Variants in TIAM2 observed in about 807,000 individuals in gnomAD.
TIAM2 encodes TIAM Rac1 associated GEF 2.
Under a neutral mutation model 152.9 loss-of-function variants are expected in TIAM2, and 80 were observed. The observed-to-expected ratio is 0.52, with a 90% CI of 0.44 to 0.63. TIAM2 has a LOEUF of 0.63. Ranked by LOEUF, TIAM2 falls within the 30% of genes least tolerant of loss-of-function variation. The pLI is 0.00. For missense variants in TIAM2, 1,965 were observed against 2,120.1 expected (o/e 0.93, Z 1.44); for synonymous variants, 804 against 838.0 (o/e 0.96, Z 0.70).
At chr6:155,057,533 A>G (rs1323974383) in intron 1 of TIAM2, among the ~76,000 whole-genome samples, 1 of 136,978 alleles carries the variant, frequency 7.3e-6, no homozygotes, top group East Asian at 2.2e-4. Flanking sequence ...TTTTCTTTCC[A>G]TAATGTACTT....
chr6:155,023,870 C>G (rs982640352), intron 1 of TIAM2, among the ~76,000 whole-genome samples: 1 of 152,178 alleles, frequency 6.6e-6, no homozygotes, highest in Middle Eastern at 3.2e-3. Flanking sequence ...CCTTACTCGT[C>G]TTTGCCTGCA....
In TIAM2 at chr6:155,248,095, CAG is replaced by C. The variant is rs779265118; in HGVS notation, c.3753_3754del (p.Arg1251SerfsTer41). 20 of 1,614,118 alleles carry C rather than the reference CAG, an allele frequency of 1.2e-5. No homozygotes were observed. The highest frequency in any genetic ancestry group is 1.6e-5 in the Non-Finnish European group (19 of 1,180,058). ...TLESYLIKPV[Q>X]RVLKYPLLLK... ...GGAGTCCTACCTCATCAAGCCGGTT[CAG>C]AGAGTGCTCAAGTACCCGCTGCTGC... On this transcript the variant is annotated frameshift_variant, in exon 20 of 27. Coordinates refer to ENST00000682666, the MANE Select transcript of TIAM2 (RefSeq NM_012454.4). LOFTEE classifies it high-confidence loss of function.
intron 5 of TIAM2, among the ~76,000 whole-genome samples, chr6:155,138,431 C>CTT (rs111424436): frequency 0.033 from 4,725 of 141,260 alleles, 98 homozygotes; most frequent in African/African-American, 0.054. Flanking sequence ...GTGCAGCCGT[C>CTT]TTTTTTTTTT....
intron 9 of TIAM2, among the ~76,000 whole-genome samples, chr6:155,171,876 C>T (rs1337218290): frequency 6.6e-6 from 1 of 152,138 alleles, no homozygotes; most frequent in Non-Finnish European, 1.5e-5. Flanking sequence ...TGTGTTTTCT[C>T]CTCATCTCCC....
rs2115232423 is a variant in TIAM2 at position 155,218,023 on chromosome 6, CAT to C, written c.3168+6717_3168+6718del. 6.6e-6 allele frequency among the ~76,000 whole-genome samples: 1 copy of C among 152,282 alleles called. No individual in the cohort carries two copies. The highest frequency in any genetic ancestry group is 6.5e-5 in the Admixed American group (1 of 15,290). On this transcript the variant is annotated intron_variant, in intron 15 of 26. Coordinates refer to ENST00000682666, the MANE Select transcript of TIAM2 (RefSeq NM_012454.4). This position sits in a 1 kb window ranked among gnomAD's most constrained non-coding sequence, Gnocchi z 4.5. ...AGGAAAAGAAAAAATTATTGGACCA[CAT>C]GATTTGCTTTCCAGCATTCTTGGAG...
Position 155,113,301 on chromosome 6 carries a change from G to A in TIAM2, c.-117-14189G>A, listed in dbSNP as rs1170875865. Among the ~76,000 whole-genome samples the A allele has an allele frequency of 2.6e-5, 4 of 152,248 alleles. No homozygotes were observed. In the East Asian group the frequency reaches 7.7e-4, roughly 29 times the overall value. On this transcript the variant is annotated intron_variant, in intron 2 of 26. Transcript: ENST00000682666. ...CTCCTCCTTGCAAGTCTCTGCTGAA[G>A]TGTCACCATTCAGAGAGGCTTCCTC...
chr6:155,047,684 G>C (rs1347532335), intron 1 of TIAM2, among the ~76,000 whole-genome samples: 322 of 29,878 alleles, frequency 0.011, 13 homozygotes, highest in Non-Finnish European at 0.025. Flanking sequence ...GAGAGAGAGA[G>C]AGAGGAGAGA....
At position 154,997,629 on chromosome 6, in the gene TIAM2, ATTTTTTTTTT is replaced by A. The variant is rs57280691; in HGVS notation, c.-209+2157_-209+2166del. Reference sequence around the variant, plus strand: ...CCGTGAACGAGTGAAGAAAGAATGGATTTTTTTTTTTTTTTTTTTTTTTTTTTTTGAGACA... The same window carrying A: ...CCGTGAACGAGTGAAGAAAGAATGGATTTTTTTTTTTTTTTTTTTGAGACA... On this transcript the variant is annotated intron_variant, in intron 1 of 26. Transcript: ENST00000682666. 1.2e-3 allele frequency among the ~76,000 whole-genome samples: 77 copies of A among 62,114 alleles called. 1 individual carries two copies. The highest frequency in any genetic ancestry group is 5.1e-3 in the East Asian group (8 of 1,582). 40.7% of individuals were successfully genotyped at this position (62,114 alleles called of 152,430 possible). A position where few individuals can be genotyped will look rare whatever the true frequency, so the allele number is the denominator to read the frequency against.
chr6:155,122,396 T>C (rs1237398640), intron 2 of TIAM2, among the ~76,000 whole-genome samples: 1 of 144,206 alleles, frequency 6.9e-6, no homozygotes, highest in Admixed American at 6.8e-5. Flanking sequence ...GAATGCAGAA[T>C]GGAAGGTAGG....
chr6:155,206,673 A>G (rs1781604280), intron 14 of TIAM2, among the ~76,000 whole-genome samples: 1 of 152,144 alleles, frequency 6.6e-6, no homozygotes, highest in Non-Finnish European at 1.5e-5. Flanking sequence ...GACACATCCA[A>G]ATTGAGGGGA....
At chr6:155,036,020 T>G (rs1000142525) in intron 1 of TIAM2, among the ~76,000 whole-genome samples, 2 of 152,190 alleles carry the variant, frequency 1.3e-5, no homozygotes, top group Non-Finnish European at 2.9e-5. Flanking sequence ...CTGGACAGAT[T>G]AAGCAAAGAA....
At chr6:155,024,630 A>G (rs1461860782) in intron 1 of TIAM2, among the ~76,000 whole-genome samples, 1 of 143,906 alleles carries the variant, frequency 6.9e-6, no homozygotes, top group Non-Finnish European at 1.5e-5. Context: ...GGACACTCAA[A>G]TGTGGTATAA....
At chr6:155,041,025 T>C (rs1268797689) in intron 1 of TIAM2, among the ~76,000 whole-genome samples, 1 of 152,108 alleles carries the variant, frequency 6.6e-6, no homozygotes, top group Non-Finnish European at 1.5e-5. Context: ...CTCAGGCAAG[T>C]TCCCTATTTT....
At chr6:155,248,995 G>C (rs2115342184) in intron 20 of TIAM2, among the ~76,000 whole-genome samples, 1 of 152,248 alleles carries the variant, frequency 6.6e-6, no homozygotes, top group South Asian at 2.1e-4. Flanking sequence ...AAGCATTTTT[G>C]TATGACAGTT....
chr6:155,103,014 CAG>C (rs1314096632), intron 2 of TIAM2, among the ~76,000 whole-genome samples: 13 of 152,150 alleles, frequency 8.5e-5, no homozygotes, highest in South Asian at 4.1e-4. Context: ...ACATTTTTCT[CAG>C]AGATCTTTGC....
rs1327933453 is a variant in TIAM2, at chr6:155,183,366, C to A, written c.2930C>A (p.Thr977Lys). ...GLTLIARPPDTKATLCTSWSD... is the reference protein window; with the variant it reads ...GLTLIARPPDKKATLCTSWSD... ...ACTCTGATTGCCCGGCCTCCGGACA[C>A]AAAAGCAACCCTGTGTACATCCTGG... Residue 977 changes from threonine (T) to lysine (K), a missense_variant, in exon 14 of 27, where the codon ACA (threonine) becomes AAA (lysine). Thr to Lys is a moderately conservative substitution (Grantham distance 78). Transcript: ENST00000682666. 2 of 1,613,228 alleles carry A rather than the reference C, an allele frequency of 1.2e-6. No individual in the cohort carries two copies. The highest frequency in any genetic ancestry group is 2.2e-5 in the East Asian group (1 of 44,838).
chr6:155,045,112 G>A lies in TIAM2; in HGVS notation c.-208-45177G>A, dbSNP rs536706140. 4.8e-5 allele frequency among the ~76,000 whole-genome samples: 7 copies of A among 145,330 alleles called. No individual in the cohort carries two copies. In the South Asian group the frequency reaches 6.6e-4, roughly 14 times the overall value. On this transcript the variant is annotated intron_variant, in intron 1 of 26. Transcript: ENST00000682666. ...GTTGCCTGGGCTGGAGTGCAGTGGCGCGATCTCGGCTCACTGCAGCCTCTG... is the reference window on the plus strand; with the variant it reads ...GTTGCCTGGGCTGGAGTGCAGTGGCACGATCTCGGCTCACTGCAGCCTCTG...
intron 1 of TIAM2, among the ~76,000 whole-genome samples, chr6:155,034,066 C>T (rs1340756230): frequency 6.6e-6 from 1 of 151,262 alleles, no homozygotes; most frequent in Non-Finnish European, 1.5e-5. Flanking sequence ...TTTCCTGCCT[C>T]CCTTTGGAGT....
In TIAM2 at chr6:155,002,867, T is replaced by TC. The variant is rs1778336356; in HGVS notation, c.-209+7375_-209+7376insC. Among the ~76,000 whole-genome samples, 3 of 151,466 alleles carry TC rather than the reference T, an allele frequency of 2.0e-5. No homozygotes were observed. The South Asian group carries it at 6.3e-4, about 32-fold the overall frequency. On this transcript the variant is annotated intron_variant, in intron 1 of 26. Coordinates refer to ENST00000682666, the MANE Select transcript of TIAM2 (RefSeq NM_012454.4). ...AGCTAAGTTTTGTGTGTGTGTGTTT[T>TC]TTTTTTAGTAGAGACAGGGTTTCAC...
Sources: allele counts gnomAD v4.1 joint callset (sites outside exome capture counted in the v4.1 genomes callset), GRCh38; gene constraint gnomAD v4.1.1; non-coding constraint Gnocchi (gnomAD v3.1); transcripts MANE v1.5; gene names NCBI Gene and HGNC (gene_info 2026-07-23, HGNC 2026-07-21).